The following NAV2 variants were observed in gnomAD, a reference collection of about 807,000 sequenced individuals.
NAV2 encodes the protein helicase, APC down-regulated 1.
A neutral mutation model predicts 223.2 loss-of-function variants in NAV2; 54 were observed. The ratio of observed to expected loss-of-function variants is 0.24; its 90% CI spans 0.19 to 0.30. The LOEUF is 0.30. NAV2 is among the 10% of genes least tolerant of loss of function. The pLI is 1.00. For missense variants in NAV2, 2,806 were observed against 3,147.5 expected (o/e 0.89, Z 2.60); for synonymous variants, 1,279 against 1,239.3 (o/e 1.03, Z -0.67).
intron 22 of NAV2, among the ~76,000 whole-genome samples, chr11:20,070,283 T>C (rs942997311): frequency 1.3e-5 from 2 of 152,204 alleles, no homozygotes; most frequent in South Asian, 4.1e-4. Context: ...TCCAAATGTG[T>C]GGTTTGACAG....
rs536689352 is a variant in NAV2 at position 19,587,339 on chromosome 11, G to A, written c.75+236312G>A. Reference sequence around the variant, plus strand: ...CCTTGCACATCCCGGGTGAGGCGATGCCTTGCCCTGCTTCAGCTCACGCTC... The same window carrying A: ...CCTTGCACATCCCGGGTGAGGCGATACCTTGCCCTGCTTCAGCTCACGCTC... On this transcript the variant is annotated intron_variant, in intron 1 of 37. Coordinates refer to the NAV2 transcript ENST00000360655. Among the ~76,000 whole-genome samples, 13 of 152,338 alleles carry A rather than the reference G, an allele frequency of 8.5e-5. 1 individual carries two copies. Among genetic ancestry groups the A allele is most frequent in the African/African-American group, 3.1e-4 (13 of 41,580 alleles).
intron 1 of NAV2, among the ~76,000 whole-genome samples, chr11:19,372,469 C>T (rs1451563858): frequency 6.6e-6 from 1 of 152,096 alleles, no homozygotes; most frequent in Non-Finnish European, 1.5e-5. Context: ...TGGAGCTTGG[C>T]CTGGGTATTA....
intron 1 of NAV2, among the ~76,000 whole-genome samples, chr11:19,455,821 A>G (rs1365497620): frequency 6.6e-6 from 1 of 152,218 alleles, no homozygotes; most frequent in African/African-American, 2.4e-5. Flanking sequence ...GTGCTGGCGA[A>G]ACAGTCCCAG....
At chr11:19,659,184 G>A (rs867835608) in intron 1 of NAV2, among the ~76,000 whole-genome samples, 3 of 152,204 alleles carry the variant, frequency 2.0e-5, no homozygotes, top group South Asian at 2.1e-4. Flanking sequence ...GGGTAAGGAA[G>A]GTGACTGTAA....
chr11:19,416,149 CA>C (rs940633635), intron 1 of NAV2, among the ~76,000 whole-genome samples: 3 of 152,016 alleles, frequency 2.0e-5, no homozygotes, highest in Non-Finnish European at 2.9e-5. Flanking sequence ...GAGAGGAAAC[CA>C]AATTGTCTCT....
intron 1 of NAV2, among the ~76,000 whole-genome samples, chr11:19,360,843 G>A (rs764996688): frequency 4.4e-4 from 67 of 152,260 alleles, no homozygotes; most frequent in Admixed American, 9.2e-4. Flanking sequence ...CCCTGTCCTC[G>A]CAAAGCTCAG....
intron 1 of NAV2, among the ~76,000 whole-genome samples, chr11:19,383,197 C>A (rs1457553924): frequency 6.6e-6 from 1 of 152,220 alleles, no homozygotes; most frequent in Non-Finnish European, 1.5e-5. Flanking sequence ...CCCCTGCTTC[C>A]TTTACAGTTA....
chr11:19,932,510 G>C (rs571482610), intron 6 of NAV2, among the ~76,000 whole-genome samples: 1 of 152,212 alleles, frequency 6.6e-6, no homozygotes, highest in South Asian at 2.1e-4. Flanking sequence ...GTAGAGACTG[G>C]GTTTCACCAT....
At chr11:19,889,989 TG>T (rs1164962229) in intron 5 of NAV2, among the ~76,000 whole-genome samples, 3 of 152,234 alleles carry the variant, frequency 2.0e-5, no homozygotes, top group African/African-American at 7.2e-5. Flanking sequence ...AAGTATTTCT[TG>T]TGCCATAGCA....
At chr11:20,011,793 G>T (rs1366198803) in intron 11 of NAV2, among the ~76,000 whole-genome samples, 2 of 152,194 alleles carry the variant, frequency 1.3e-5, no homozygotes, top group Admixed American at 6.5e-5. Context: ...TCACACACAG[G>T]ATTCCATTCT....
intron 1 of NAV2, among the ~76,000 whole-genome samples, chr11:19,368,268 C>A (rs1028230176): frequency 3.9e-5 from 6 of 152,178 alleles, no homozygotes; most frequent in African/African-American, 1.4e-4. Context: ...GCCAGCCAGA[C>A]CAAGAGGTCC....
chr11:19,456,966 C>T (rs1851979427), intron 1 of NAV2, among the ~76,000 whole-genome samples: 1 of 152,210 alleles, frequency 6.6e-6, no homozygotes, highest in South Asian at 2.1e-4. Context: ...TGCTTCCCAC[C>T]TCTTAGGACT....
intron 10 of NAV2, among the ~76,000 whole-genome samples, chr11:19,965,185 G>A (rs933741196): frequency 4.6e-5 from 7 of 151,968 alleles, no homozygotes; most frequent in Non-Finnish European, 8.8e-5. Context: ...ACAGGGATTT[G>A]GGGGGGCGGG....
At chr11:19,963,744 A>C in intron 10 of NAV2, among the ~76,000 whole-genome samples, 1 of 152,220 alleles carries the variant, frequency 6.6e-6, no homozygotes, top group Non-Finnish European at 1.5e-5. Flanking sequence ...ACTTGTGTCA[A>C]CATTCCCCAG....
At chr11:19,525,871 G>A (rs530828571) in intron 1 of NAV2, among the ~76,000 whole-genome samples, 3 of 152,198 alleles carry the variant, frequency 2.0e-5, no homozygotes, top group African/African-American at 7.2e-5. Flanking sequence ...ATGACCTGCT[G>A]AGATTGGTAG....
At chr11:19,418,717 A>G (rs994115953) in intron 1 of NAV2, among the ~76,000 whole-genome samples, 6 of 152,212 alleles carry the variant, frequency 3.9e-5, no homozygotes, top group Non-Finnish European at 8.8e-5. Context: ...TTGGCAGATG[A>G]TCAAAATGGC....
At position 19,848,052 on chromosome 11, in the gene NAV2, A is replaced by G. The variant is rs533634560; in HGVS notation, c.438+5129A>G. On this transcript the variant is annotated intron_variant, in intron 3 of 37. Coordinates refer to ENST00000349880, the MANE Select transcript of NAV2 (RefSeq NM_145117.5). ...ATGAACCCCAGAGGCCAGCTCATGT[A>G]TGCCCTGGGGCTCCATAGACTCCAG... Among the ~76,000 whole-genome samples, 11 of 152,284 alleles carry G rather than the reference A, an allele frequency of 7.2e-5. No individual in the cohort carries two copies. The South Asian group carries it at 2.3e-3, about 32-fold the overall frequency.
intron 11 of NAV2, among the ~76,000 whole-genome samples, chr11:20,029,847 G>A (rs1289349185): frequency 6.6e-6 from 1 of 152,202 alleles, no homozygotes; most frequent in African/African-American, 2.4e-5. Flanking sequence ...GTTCTTATCT[G>A]ACTTGACCAA....
chr11:19,729,164 C>T (rs2051515713), intron 1 of NAV2, among the ~76,000 whole-genome samples: 1 of 151,970 alleles, frequency 6.6e-6, no homozygotes, highest in Non-Finnish European at 1.5e-5. Flanking sequence ...AAAGACTGGT[C>T]TAGATTAGAA....
Sources: gnomAD v4.1 joint callset for allele counts (sites outside exome capture counted in the v4.1 genomes callset) on GRCh38, gnomAD v4.1.1 for gene constraint, MANE v1.5 for transcripts, NCBI Gene and HGNC (gene_info 2026-07-23, HGNC 2026-07-21) for gene names.